RALY: variants seen among roughly 807,000 people sequenced by gnomAD.
RALY encodes the protein RALY heterogeneous nuclear ribonucleoprotein.
In RALY, 15 loss-of-function variants were observed where a neutral mutation model predicts 30.7. That is an observed-to-expected ratio of 0.49 (90% CI 0.33 to 0.75). RALY has a LOEUF of 0.75. Ranked by LOEUF, RALY falls within the 30% of genes least tolerant of loss-of-function variation. The probability of loss-of-function intolerance (pLI) is 0.02; values close to 1 mark genes in which losing one functional copy is unlikely to be tolerated. For synonymous variants in RALY, 177 were observed against 170.8 expected, an observed-to-expected ratio of 1.04 and a Z score of -0.28; for missense variants, 339 against 414.3, an observed-to-expected ratio of 0.82 and a Z score of 1.58.
At chr20:34,041,514 C>T (rs987478595) in intron 2 of RALY, among the ~76,000 whole-genome samples, 4 of 152,230 alleles carry the variant, frequency 2.6e-5, no homozygotes, top group African/African-American at 4.8e-5. Context: ...TGGGCGTACC[C>T]AGTCTCCACT....
chr20:34,033,440 A>G (rs142277699), intron 2 of RALY, among the ~76,000 whole-genome samples: 55 of 152,322 alleles, frequency 3.6e-4, no homozygotes, highest in African/African-American at 1.2e-3. Flanking sequence ...GAATGTCTGG[A>G]AAAGTTCAAG....
intron 2 of RALY, among the ~76,000 whole-genome samples, chr20:34,058,831 A>G (rs2033333920): frequency 2.6e-5 from 4 of 152,242 alleles, no homozygotes; most frequent in African/African-American, 9.6e-5. Context: ...GCCTTAACTC[A>G]TGAAGAGTCT....
In RALY at chr20:33,994,150, CGT is replaced by C. The variant is rs1687330495; in HGVS notation, c.-93+20_-93+21del. 1 of 152,354 alleles carries C rather than the reference CGT, an allele frequency of 6.6e-6. No homozygotes were observed. Among genetic ancestry groups the C allele is most frequent in the Non-Finnish European group, 1.5e-5 (1 of 68,130 alleles). The allele number at this position is 152,354 out of a possible 1,614,324, so 9.4% of individuals were successfully genotyped here. The stretch of plus-strand genomic sequence containing the variant: ...GGCGCGGGTGAGTGGGGACTGCGGG[CGT>C]CTCCTTAGGGGTGCGGGGAGGGTGT... On this transcript the variant is annotated intron_variant, in intron 1 of 9. Coordinates refer to ENST00000246194, the MANE Select transcript of RALY (RefSeq NM_016732.3).
At chr20:34,055,665 T>C (rs910862249) in intron 2 of RALY, among the ~76,000 whole-genome samples, 3 of 152,316 alleles carry the variant, frequency 2.0e-5, no homozygotes, top group African/African-American at 7.2e-5. Flanking sequence ...CTCAGGTGGA[T>C]CTTAGCCAGC....
intron 1 of RALY, among the ~76,000 whole-genome samples, chr20:34,022,024 CT>C (rs1436653915): frequency 1.3e-5 from 2 of 151,336 alleles, no homozygotes; most frequent in Non-Finnish European, 2.9e-5. Context: ...TCCCAAAGTG[CT>C]GGGATTACAG....
At chr20:34,056,344 G>C (rs1439567352) in intron 2 of RALY, among the ~76,000 whole-genome samples, 1 of 152,134 alleles carries the variant, frequency 6.6e-6, no homozygotes. Flanking sequence ...CTTCTTGTCT[G>C]AGTCGTCTCC....
chr20:34,000,041 A>G (rs937696903), intron 1 of RALY, among the ~76,000 whole-genome samples: 1 of 152,092 alleles, frequency 6.6e-6, no homozygotes, highest in African/African-American at 2.4e-5. Context: ...TGGAGATAGC[A>G]AGGTTTTCAC....
chr20:34,034,131 T>G (rs2032386461), intron 2 of RALY, among the ~76,000 whole-genome samples: 2 of 152,152 alleles, frequency 1.3e-5, no homozygotes, highest in African/African-American at 4.8e-5. Flanking sequence ...AAGAAGGCTA[T>G]TCCTCTTTTG....
At chr20:34,006,707 C>T (rs1187479814) in intron 1 of RALY, among the ~76,000 whole-genome samples, 1 of 152,084 alleles carries the variant, frequency 6.6e-6, no homozygotes, top group Non-Finnish European at 1.5e-5. Context: ...CTACAGTATT[C>T]AACACAGTAA....
intron 2 of RALY, among the ~76,000 whole-genome samples, chr20:34,047,738 G>A (rs897793912): frequency 6.6e-6 from 1 of 152,142 alleles, no homozygotes; most frequent in African/African-American, 2.4e-5. Flanking sequence ...TGCTTTTGAG[G>A]TTGTGAGGAT....
chr20:34,067,585 T>C (rs1265628890), intron 2 of RALY, among the ~76,000 whole-genome samples: 1 of 152,206 alleles, frequency 6.6e-6, no homozygotes, highest in Non-Finnish European at 1.5e-5. Context: ...TTCAGGCTTG[T>C]TTTTTGTTGA....
At chr20:34,048,821 A>G (rs1039240636) in intron 2 of RALY, among the ~76,000 whole-genome samples, 6 of 143,854 alleles carry the variant, frequency 4.2e-5, no homozygotes, top group African/African-American at 1.5e-4. Context: ...GCACCACTGC[A>G]CTCTAGCCTG....
At position 34,073,836 on chromosome 20, in the gene RALY, A is replaced by G. The variant is rs756682627; in HGVS notation, c.347A>G (p.Tyr116Cys). Reference protein sequence around the residue: ...SAIYSGYIFDYDYYRDDFYDR... With the variant: ...SAIYSGYIFDCDYYRDDFYDR... ...TTCCCCAGTGGCTACATCTTTGACT[A>G]TGATTACTACCGGGACGACTTCTAC... Residue 116 changes from tyrosine to cysteine, a missense_variant, in exon 5 of 10, where the codon TAT (tyrosine) becomes TGT (cysteine). By Grantham distance (194) the Tyr-to-Cys change is radical. Around this residue, in one of 2 missense-constraint regions of RALY, gnomAD observed 268 missense variants for 280.6 expected, o/e 0.95. Transcript: ENST00000246194. The G allele has an allele frequency of 3.3e-5, 53 of 1,613,984 alleles. No individual in the cohort carries two copies. The South Asian group carries it at 5.6e-4, about 17-fold the overall frequency.
At chr20:34,021,241 G>A (rs866633399) in intron 1 of RALY, among the ~76,000 whole-genome samples, 3 of 152,244 alleles carry the variant, frequency 2.0e-5, no homozygotes, top group Middle Eastern at 3.4e-3. Flanking sequence ...GGATTTACAG[G>A]CATGAGCCAC....
intron 1 of RALY, chr20:34,016,343 T>C (rs537404607): frequency 1.3e-5 from 2 of 152,346 alleles, no homozygotes; most frequent in East Asian, 3.9e-4. Flanking sequence ...AGTATAATGA[T>C]GGGGGTAGGG....
chr20:34,055,821 G>C lies in RALY; in HGVS notation c.-9-16245G>C, dbSNP rs182254913. On this transcript the variant is annotated intron_variant, in intron 2 of 9. Coordinates refer to ENST00000246194, the MANE Select transcript of RALY (RefSeq NM_016732.3). ...TTATTAATGTAGAAAGTAGCAGTAT[G>C]TCTTATTGCATATATTACCTCCAGT... is the stretch of plus-strand genomic sequence containing the variant. Among the ~76,000 whole-genome samples the C allele has an allele frequency of 2.0e-4, 31 of 152,324 alleles. No individual in the cohort carries two copies. The East Asian group carries it at 4.4e-3, about 22-fold the overall frequency.
chr20:34,035,187 A>AAC (rs2032448786), intron 2 of RALY, among the ~76,000 whole-genome samples: 3 of 134,302 alleles, frequency 2.2e-5, no homozygotes, highest in Non-Finnish European at 3.2e-5. Flanking sequence ...AAAAAAAAAA[A>AAC]CAGTCTGGAG....
At chr20:34,035,840 C>T (rs1404175863) in intron 2 of RALY, among the ~76,000 whole-genome samples, 2 of 152,108 alleles carry the variant, frequency 1.3e-5, no homozygotes, top group Non-Finnish European at 2.9e-5. Flanking sequence ...TAGGGAGACA[C>T]TGGATTATTA....
chr20:34,037,648 G>T (rs2032547490), intron 2 of RALY, among the ~76,000 whole-genome samples: 1 of 152,134 alleles, frequency 6.6e-6, no homozygotes, highest in South Asian at 2.1e-4. Context: ...TTTCTACCCA[G>T]CGTACTGTGT....
Sources: gnomAD v4.1 joint callset for allele counts (sites outside exome capture counted in the v4.1 genomes callset) on GRCh38, gnomAD v4.1.1 for gene constraint, gnomAD v4.1.1 regional missense constraint, MANE v1.5 for transcripts, NCBI Gene and HGNC (gene_info 2026-07-23, HGNC 2026-07-21) for gene names.